PTPRN2: variants seen among roughly 807,000 people sequenced by gnomAD.
The protein encoded by PTPRN2 is receptor-type tyrosine-protein phosphatase N2.
PTPRN2 carries 74 observed loss-of-function variants against 118.8 expected under a neutral mutation model. The observed-to-expected ratio is 0.62, with a 90% CI of 0.52 to 0.76. The LOEUF (loss-of-function observed/expected upper bound fraction) is 0.76, where lower values mean the gene tolerates loss of function less well. PTPRN2 is among the 30% of genes least tolerant of loss of function. The pLI is 0.00. For missense variants in PTPRN2, 1,481 were observed against 1,394.4 expected (o/e 1.06, Z -0.99); for synonymous variants, 641 against 608.0 (o/e 1.05, Z -0.80).
intron 14 of PTPRN2, among the ~76,000 whole-genome samples, chr7:157,637,009 A>C (rs1463689264): frequency 3.9e-5 from 6 of 152,234 alleles, no homozygotes; most frequent in African/African-American, 7.2e-5. Context: ...ATTTCTGTTT[A>C]CTTTTTATAA....
At position 158,517,054 on chromosome 7, in the gene PTPRN2, C is replaced by A. The variant is rs372286437; in HGVS notation, c.113-27269G>T. 4.6e-5 allele frequency among the ~76,000 whole-genome samples: 7 copies of A among 152,294 alleles called. No homozygotes were observed. In the East Asian group the frequency reaches 1.4e-3, roughly 29 times the overall value. On this transcript the variant is annotated intron_variant, in intron 1 of 22. Transcript: ENST00000389418. The surrounding 1 kb of genome is among the most constrained non-coding windows in gnomAD (Gnocchi z 5.3). ...CCACTAGACCTGGGGCACCTTGGGC[C>A]CCAGCATGGTGCCTCACTGATTTTG...
chr7:158,585,333 C>T (rs1828850984), intron 1 of PTPRN2, among the ~76,000 whole-genome samples: 1 of 152,246 alleles, frequency 6.6e-6, no homozygotes, highest in Non-Finnish European at 1.5e-5. Context: ...ACCACATATA[C>T]ATCTCACTCT....
rs2150689153 is a variant in PTPRN2 at position 157,639,106 on chromosome 7, G to A, written c.2196+17251C>T. Among the ~76,000 whole-genome samples the A allele has an allele frequency of 2.0e-5, 3 of 150,296 alleles. 1 individual carries two copies. In the South Asian group the frequency reaches 6.3e-4, roughly 32 times the overall value. On this transcript the variant is annotated intron_variant, in intron 14 of 22. Transcript: ENST00000389418. The stretch of plus-strand genomic sequence containing the variant: ...TGCTGGAGTGCAGTGGTGTGATCTC[G>A]GCTCACTGCAACCTCTGCCTCCTGG...
chr7:158,262,994 C>T (rs1401448459), intron 3 of PTPRN2, among the ~76,000 whole-genome samples: 1 of 149,704 alleles, frequency 6.7e-6, no homozygotes, highest in African/African-American at 2.5e-5. Context: ...GATTCACACA[C>T]ATTGCACACA....
chr7:157,901,203 G>C (rs1356345218), intron 11 of PTPRN2, among the ~76,000 whole-genome samples: 1 of 152,222 alleles, frequency 6.6e-6, no homozygotes. Flanking sequence ...CACCCTGGGA[G>C]GGCATGAATC....
chr7:157,761,488 A>G (rs1161686091), intron 12 of PTPRN2, among the ~76,000 whole-genome samples: 1 of 151,762 alleles, frequency 6.6e-6, no homozygotes, highest in African/African-American at 2.4e-5. Context: ...TGAGAAAAAC[A>G]AGCAATGGGG....
chr7:158,176,238 A>G lies in PTPRN2; in HGVS notation c.550-8947T>C, dbSNP rs1036494976. Among the ~76,000 whole-genome samples, 4 of 152,168 alleles carry G rather than the reference A, an allele frequency of 2.6e-5. No homozygotes were observed. The East Asian group carries it at 7.7e-4, about 29-fold the overall frequency. On this transcript the variant is annotated intron_variant, in intron 5 of 22. Coordinates refer to ENST00000389418, the MANE Select transcript of PTPRN2 (RefSeq NM_002847.5). ...CCCGTCCACCTTGGCCTGGGGTTAG[A>G]GGTCAGTTGGCTCATAACCACCCAG...
At chr7:158,148,474 A>C (rs376126256) in intron 6 of PTPRN2, among the ~76,000 whole-genome samples, 322 of 73,808 alleles carry the variant, frequency 4.4e-3, no homozygotes, top group Middle Eastern at 0.017. Flanking sequence ...TTCCCCCTCA[A>C]TGACACCCCA....
At chr7:158,409,565 G>A (rs1444120075) in intron 2 of PTPRN2, among the ~76,000 whole-genome samples, 3 of 152,212 alleles carry the variant, frequency 2.0e-5, no homozygotes, top group African/African-American at 4.8e-5. Context: ...AAAGGACCGT[G>A]GTTAAAGCAG....
chr7:157,711,738 A>G (rs1466472368), intron 12 of PTPRN2, among the ~76,000 whole-genome samples: 1 of 152,094 alleles, frequency 6.6e-6, no homozygotes, highest in African/African-American at 2.4e-5. Context: ...ACTGGGACGC[A>G]GCAGTTCTGC....
chr7:157,921,172 C>A (rs1275758873), intron 11 of PTPRN2, among the ~76,000 whole-genome samples: 1 of 152,128 alleles, frequency 6.6e-6, no homozygotes, highest in African/African-American at 2.4e-5. Flanking sequence ...CAAACCATGA[C>A]ACAGGGCTTG....
At chr7:157,665,346 C>T (rs1053088515) in intron 13 of PTPRN2, among the ~76,000 whole-genome samples, 10 of 152,224 alleles carry the variant, frequency 6.6e-5, no homozygotes, top group Admixed American at 5.2e-4. Context: ...GTGGCATTTG[C>T]GTGACTCAAT....
At chr7:157,693,736 G>T (rs1314456580) in intron 12 of PTPRN2, among the ~76,000 whole-genome samples, 1 of 152,166 alleles carries the variant, frequency 6.6e-6, no homozygotes, top group Admixed American at 6.5e-5. Context: ...CACCCTCCCC[G>T]CCCGCGGCGA....
At chr7:158,384,552 T>C (rs1241016493) in intron 2 of PTPRN2, among the ~76,000 whole-genome samples, 1 of 152,098 alleles carries the variant, frequency 6.6e-6, no homozygotes, top group Non-Finnish European at 1.5e-5. Context: ...AAGAAGGCGC[T>C]TCAACAGGCA....
intron 12 of PTPRN2, among the ~76,000 whole-genome samples, chr7:157,755,414 A>G (rs2150995413): frequency 1.3e-5 from 2 of 152,196 alleles, no homozygotes; most frequent in South Asian, 4.1e-4. Flanking sequence ...CTTTCTTGAG[A>G]AGTTCATCGA....
intron 11 of PTPRN2, among the ~76,000 whole-genome samples, chr7:158,004,373 T>C (rs62476604): frequency 0.13 from 19,590 of 152,094 alleles, 1,415 homozygotes; most frequent in Admixed American, 0.17. Flanking sequence ...AGCTGGGTGG[T>C]GGTTCTAGTT....
At chr7:158,340,977 A>G (rs1806640843) in intron 2 of PTPRN2, among the ~76,000 whole-genome samples, 2 of 81,188 alleles carry the variant, frequency 2.5e-5, no homozygotes, top group Non-Finnish European at 5.5e-5. Context: ...GATGTCACTC[A>G]CACCCACACT....
chr7:158,420,928 T>C (rs1756080422), intron 2 of PTPRN2, among the ~76,000 whole-genome samples: 1 of 152,210 alleles, frequency 6.6e-6, no homozygotes, highest in East Asian at 1.9e-4. Context: ...ACAGACGCCC[T>C]GGGTTCCAAC....
rs111726879 is a variant in PTPRN2 at position 158,574,670 on chromosome 7, A to C, written c.112+12888T>G. 7.5e-3 allele frequency among the ~76,000 whole-genome samples: 1,141 copies of C among 152,342 alleles called. 12 individuals are homozygous for C. Among genetic ancestry groups the C allele is most frequent in the African/African-American group, 0.026 (1,081 of 41,590 alleles). On this transcript the variant is annotated intron_variant, in intron 1 of 22. Coordinates refer to ENST00000389418, the MANE Select transcript of PTPRN2 (RefSeq NM_002847.5). The surrounding 1 kb of genome is among the most constrained non-coding windows in gnomAD (Gnocchi z 4.6). ...TAGCCAGAACTGGAAGGTGGCATGG[A>C]AGGGGCCAATACTTCTTTCTTTCTT...
Sources: gnomAD v4.1 joint callset for allele counts (sites outside exome capture counted in the v4.1 genomes callset) on GRCh38, gnomAD v4.1.1 for gene constraint, Gnocchi (gnomAD v3.1) non-coding constraint, MANE v1.5 for transcripts, NCBI Gene and HGNC (gene_info 2026-07-23, HGNC 2026-07-21) for gene names.